KLC3: variants seen among roughly 807,000 people sequenced by gnomAD.
The protein encoded by KLC3 is kinesin light chain 2.
A neutral mutation model predicts 62.9 loss-of-function variants in KLC3; 72 were observed. That is an observed-to-expected ratio of 1.15 (90% confidence interval 0.95 to 1.39). The LOEUF is 1.39. Ranked by LOEUF, KLC3 falls within the 40% of genes most tolerant of loss-of-function variation. The probability of loss-of-function intolerance (pLI) is 0.00; values close to 1 mark genes in which losing one functional copy is unlikely to be tolerated. For synonymous variants in KLC3, 377 were observed against 300.5 expected, an observed-to-expected ratio of 1.25 and a Z score of -2.63; for missense variants, 848 against 691.6, an observed-to-expected ratio of 1.23 and a Z score of -2.54.
rs1338561914 is a variant in KLC3 at position 45,348,124 on chromosome 19, T to C, written c.743T>C (p.Val248Ala). The C allele has an allele frequency of 6.2e-6, 10 of 1,600,424 alleles. No individual in the cohort carries two copies. The East Asian group carries it at 9.0e-5, about 14-fold the overall frequency. The part of the protein sequence containing the change: ...ERSSGHCHPD[V>A]ATMLNILALV... Reference sequence around the variant, plus strand: ...AGCTCGGGCCACTGCCACCCTGACGTGGCCACCATGCTCAACATCCTGGCG... The same window carrying C: ...AGCTCGGGCCACTGCCACCCTGACGCGGCCACCATGCTCAACATCCTGGCG... The change falls in exon 5 of 13, where the codon GTG (valine) becomes GCG (alanine). Residue 248 changes from valine to alanine, a missense_variant. Coordinates refer to ENST00000391946, the MANE Select transcript of KLC3 (RefSeq NM_177417.3).
chr19:45,346,143 CAG>C (rs754942860), intron 2 of KLC3, among the ~76,000 whole-genome samples: 75 of 152,036 alleles, frequency 4.9e-4, no homozygotes, highest in South Asian at 3.5e-3. Context: ...GTCTGGGTGA[CAG>C]AGAGAGACTG....
At chr19:45,341,868 G>A (rs1971404675) in intron 1 of KLC3, among the ~76,000 whole-genome samples, 1 of 152,042 alleles carries the variant, frequency 6.6e-6, no homozygotes, top group African/African-American at 2.4e-5. Flanking sequence ...GCAACGGAGA[G>A]TTTGTGGGAG....
At chr19:45,345,256 A>C (rs1323727377) in intron 1 of KLC3, 10 of 567,924 alleles carry the variant, frequency 1.8e-5, no homozygotes, top group Non-Finnish European at 3.1e-5. Context: ...TTGGTTAATT[A>C]CACATAGGAT....
At chr19:45,342,617 T>C (rs181660923) in intron 1 of KLC3, among the ~76,000 whole-genome samples, 7 of 151,908 alleles carry the variant, frequency 4.6e-5, no homozygotes, top group Non-Finnish European at 1.0e-4. Context: ...AATACAAAAA[T>C]TAGCCAGGTG....
chr19:45,350,141 GC>G, intron 8 of KLC3, 199 bp from the exon 9 acceptor site: 1 of 586,726 alleles, frequency 1.7e-6, no homozygotes, highest in Non-Finnish European at 3.0e-6. Context: ...AGAAAGTGGG[GC>G]CAGACGTGGT....
At position 45,349,578 on chromosome 19, in the gene KLC3, C is replaced by T. The variant is rs371987569; in HGVS notation, c.1119C>T (p.Asn373=). 3.5e-5 allele frequency: 56 copies of T among 1,612,720 alleles called. No individual in the cohort carries two copies. Among genetic ancestry groups the T allele is most frequent in the African/African-American group, 2.0e-4 (15 of 74,868 alleles). Residue 373 remains asparagine (N), a synonymous_variant, in exon 8 of 13, where the codon AAC becomes AAT. Transcript: ENST00000391946. The stretch of plus-strand genomic sequence containing the variant: ...CACTGGGCGGGCCCCATGACCCCAA[C>T]GTGGCCAAGACCAAGAACAACCTGG... ...YEALGGPHDP[N]VAKTKNNLAS...
rs377547718 is a variant in KLC3 at position 45,350,714 on chromosome 19, G to A, written c.1346G>A (p.Arg449Gln). The stretch of plus-strand genomic sequence containing the variant: ...CGAGGAAGTGAGAAGCTGGTCTCCC[G>A]GCTCCGAGGCGAGGCGGCGGCAGGA... The part of the protein sequence containing the change: ...IRRGSEKLVS[R>Q]LRGEAAAGAA... Residue 449 changes from arginine (R) to glutamine (Q), a missense_variant, in exon 11 of 13, where the codon CGG (arginine) becomes CAG (glutamine). Arg to Gln is a conservative substitution (Grantham distance 43). Transcript: ENST00000391946. 2.7e-5 allele frequency: 43 copies of A among 1,613,238 alleles called. No individual in the cohort carries two copies. Among genetic ancestry groups the A allele is most frequent in the Middle Eastern group, 1.6e-4 (1 of 6,068 alleles).
At chr19:45,349,634 A>C in intron 8 of KLC3, 32 bp downstream of exon 8, 1 of 1,476,960 alleles carries the variant, frequency 6.8e-7, no homozygotes, top group Admixed American at 1.9e-5. Context: ...GTGGGCCAAG[A>C]GTGGAGGGTC....
intron 5 of KLC3, 132 bp from the exon 6 acceptor site, chr19:45,348,514 C>A: frequency 1.2e-6 from 1 of 817,000 alleles, no homozygotes. Context: ...CCACAAAAGG[C>A]CCTCAAAGGG....
intron 7 of KLC3, among the ~76,000 whole-genome samples, chr19:45,349,154 G>A (rs1368315601): frequency 6.6e-6 from 1 of 151,874 alleles, no homozygotes; most frequent in Non-Finnish European, 1.5e-5. Flanking sequence ...CTCCAACTGG[G>A]TCCCCCCATA....
At chr19:45,350,118 A>C (rs1173933902) in intron 8 of KLC3, 5 of 560,730 alleles carry the variant, frequency 8.9e-6, no homozygotes, top group African/African-American at 5.6e-5. Flanking sequence ...GGATACGGCC[A>C]GGTCAGCACA....
Position 45,349,414 on chromosome 19 carries a change from A to C in KLC3, c.970-15A>C. 1 of 1,591,690 alleles carries C rather than the reference A, an allele frequency of 6.3e-7. No individual in the cohort carries two copies. On this transcript the variant is annotated splice_polypyrimidine_tract_variant and intron_variant, in intron 7 of 12. Coordinates refer to ENST00000391946, the MANE Select transcript of KLC3 (RefSeq NM_177417.3). ...TCCTGTATGATCCCTCTGACTTGTG[A>C]CCCCTGGCCCCCAGGTCCTGGGTGC...
At chr19:45,347,065 G>A in intron 3 of KLC3, 1 of 455,284 alleles carries the variant, frequency 2.2e-6, no homozygotes. Context: ...GAGATAGGCT[G>A]GGTGCGGTGG....
chr19:45,348,158 C>T lies in KLC3; in HGVS notation c.777C>T (p.Tyr259=). The change falls in exon 5 of 13, where the codon TAC becomes TAT. Residue 259 remains tyrosine, a splice_region_variant and synonymous_variant. Coordinates refer to ENST00000391946, the MANE Select transcript of KLC3 (RefSeq NM_177417.3). ...ATMLNILALV[Y]RDQNKYKEAT... is the part of the protein sequence containing the mutation. ...TGCTCAACATCCTGGCGCTGGTGTA[C>T]CGGTGAGCACTGCGGCCAGCCATGG... The T allele has an allele frequency of 1.3e-6, 2 of 1,578,586 alleles. No individual in the cohort carries two copies. The highest frequency in any genetic ancestry group is 1.7e-6 in the Non-Finnish European group (2 of 1,159,536).
At chr19:45,347,328 G>GA in intron 3 of KLC3, 119 bp from the exon 4 acceptor site, 1 of 692,718 alleles carries the variant, frequency 1.4e-6, no homozygotes, top group East Asian at 2.8e-5. Flanking sequence ...TGCAACAAGC[G>GA]AAACTCCGTC....
chr19:45,351,182 G>T, intron 12 of KLC3, 104 bp from the exon 13 acceptor site: 1 of 1,585,286 alleles, frequency 6.3e-7, no homozygotes, highest in Non-Finnish European at 8.6e-7. Context: ...GGGTAGAGGC[G>T]AGGGGGTTGG....
chr19:45,345,892 A>C, intron 2 of KLC3, 93 bp downstream of exon 2: 1 of 1,225,542 alleles, frequency 8.2e-7, no homozygotes, highest in East Asian at 2.9e-5. Context: ...GGGGACTGGG[A>C]GAGGGTTCAC....
In KLC3 at chr19:45,350,965, C is replaced by A. The variant is rs375837304; in HGVS notation, c.1391C>A (p.Ala464Asp). The change falls in exon 12 of 13, where the codon GCC becomes GAC. Residue 464 changes from alanine (A) to aspartate (D), a missense_variant. By Grantham distance (126) the Ala-to-Asp change is moderately radical. Coordinates refer to ENST00000391946, the MANE Select transcript of KLC3 (RefSeq NM_177417.3). ...TGCCCTCTTTGCAGAATGAAGAGAG[C>A]CATGTCACTCAACACACTGAACGTG... is the stretch of plus-strand genomic sequence containing the variant. ...AAAGAAGMKR[A>D]MSLNTLNVDA... The A allele has an allele frequency of 6.2e-7, 1 of 1,613,978 alleles. No individual in the cohort carries two copies. Among genetic ancestry groups the A allele is most frequent in the Non-Finnish European group, 8.5e-7 (1 of 1,180,006 alleles).
At chr19:45,344,788 T>G (rs1482782986) in intron 1 of KLC3, 1 of 152,306 alleles carries the variant, frequency 6.6e-6, no homozygotes, top group Non-Finnish European at 1.5e-5. Flanking sequence ...AGCTGTCACA[T>G]GGCCAGTGTG....
Sources: allele counts gnomAD v4.1 joint callset (sites outside exome capture counted in the v4.1 genomes callset), GRCh38; gene constraint gnomAD v4.1.1; transcripts MANE v1.5; gene names NCBI Gene and HGNC (gene_info 2026-07-23, HGNC 2026-07-21).